Variants in EYA1 observed in about 807,000 individuals in gnomAD.
EYA1 encodes the protein protein phosphatase EYA1.
EYA1 carries 16 observed loss-of-function variants against 82.0 expected under a neutral mutation model. The observed-to-expected ratio is 0.20, with a 90% CI of 0.13 to 0.30. The LOEUF is 0.30. Ranked by LOEUF, EYA1 falls within the 10% of genes least tolerant of loss-of-function variation. The pLI is 1.00. For synonymous variants in EYA1, 261 were observed against 264.4 expected (o/e 0.99, Z 0.12); for missense variants, 633 against 730.7 (o/e 0.87, Z 1.54).
intron 2 of EYA1, among the ~76,000 whole-genome samples, chr8:71,519,630 C>G (rs1351786687): frequency 6.8e-6 from 1 of 146,286 alleles, no homozygotes; most frequent in African/African-American, 2.5e-5. Flanking sequence ...TTAGAGCAAG[C>G]AATTTCTCTT....
chr8:71,547,869 T>C (rs1815792671), exon 1 of EYA1: 1 of 151,302 alleles, frequency 6.6e-6, no homozygotes, highest in African/African-American at 2.4e-5. Context: ...CTTACTTGTG[T>C]CACAACTGCG....
intron 9 of EYA1, among the ~76,000 whole-genome samples, chr8:71,275,758 A>C (rs1247931205): frequency 6.6e-6 from 1 of 152,254 alleles, no homozygotes; most frequent in Non-Finnish European, 1.5e-5. Context: ...TACAGATTCA[A>C]GGAGGCAGAA....
intron 2 of EYA1, among the ~76,000 whole-genome samples, chr8:71,371,890 A>G (rs371561146): frequency 2.2e-4 from 33 of 152,136 alleles, no homozygotes; most frequent in Admixed American, 2.0e-3. Flanking sequence ...TGAAAAATAA[A>G]ACTGTTGAAA....
At chr8:71,393,449 A>C (rs1829396264) in intron 2 of EYA1, among the ~76,000 whole-genome samples, 1 of 151,964 alleles carries the variant, frequency 6.6e-6, no homozygotes, top group Non-Finnish European at 1.5e-5. Context: ...TCCCCCCTCC[A>C]ACCACTCCAC....
At chr8:71,210,090 A>C (rs1338286803) in intron 17 of EYA1, among the ~76,000 whole-genome samples, 2 of 152,210 alleles carry the variant, frequency 1.3e-5, no homozygotes, top group South Asian at 2.1e-4. Flanking sequence ...TTTATAGACA[A>C]GGAAAGGGAA....
chr8:71,432,787 A>G (rs1805719589), intron 2 of EYA1, among the ~76,000 whole-genome samples: 1 of 152,198 alleles, frequency 6.6e-6, no homozygotes, highest in Non-Finnish European at 1.5e-5. Context: ...GCCCTAACAG[A>G]TGCCTTTGAG....
At chr8:71,218,946 G>A (rs1263599666) in intron 12 of EYA1, among the ~76,000 whole-genome samples, 1 of 150,620 alleles carries the variant, frequency 6.6e-6, no homozygotes, top group Non-Finnish European at 1.5e-5. Context: ...ATGTTCAAAA[G>A]AATTTAATTC....
At chr8:71,474,504 A>G (rs1051755173) in intron 2 of EYA1, among the ~76,000 whole-genome samples, 1 of 152,176 alleles carries the variant, frequency 6.6e-6, no homozygotes, top group Non-Finnish European at 1.5e-5. Context: ...AGAGAACTAT[A>G]TTATCAAGAT....
intron 2 of EYA1, among the ~76,000 whole-genome samples, chr8:71,453,278 C>G (rs1041386814): frequency 1.3e-5 from 2 of 152,144 alleles, no homozygotes; most frequent in Non-Finnish European, 2.9e-5. Flanking sequence ...TGTGAAAACA[C>G]CAACTCTACG....
chr8:71,472,969 T>C (rs933259472), intron 2 of EYA1, among the ~76,000 whole-genome samples: 1 of 151,830 alleles, frequency 6.6e-6, no homozygotes, highest in Non-Finnish European at 1.5e-5. Context: ...GGTTTGCAAA[T>C]ATTTTTCCAG....
At chr8:71,491,079 C>T (rs73293125) in intron 2 of EYA1, among the ~76,000 whole-genome samples, 9 of 152,068 alleles carry the variant, frequency 5.9e-5, no homozygotes, top group African/African-American at 2.2e-4. Context: ...GAAACCCAAG[C>T]AGTCTTCTGG....
chr8:71,330,327 C>T (rs538751397), intron 4 of EYA1, among the ~76,000 whole-genome samples: 85 of 152,226 alleles, frequency 5.6e-4, no homozygotes, highest in African/African-American at 1.6e-3. Flanking sequence ...TAGCCTGATC[C>T]GCTTCTGTTT....
At chr8:71,223,791 C>T (rs150833815) in intron 12 of EYA1, among the ~76,000 whole-genome samples, 25 of 152,130 alleles carry the variant, frequency 1.6e-4, no homozygotes, top group Admixed American at 3.9e-4. Flanking sequence ...GACCAATCCC[C>T]GGGAATAACT....
chr8:71,405,896 C>T (rs562948133), intron 2 of EYA1, among the ~76,000 whole-genome samples: 22 of 152,248 alleles, frequency 1.4e-4, no homozygotes, highest in South Asian at 1.2e-3. Context: ...CAATTGCATT[C>T]GCCTCTCAAA....
chr8:71,450,944 A>G (rs1157050080), intron 2 of EYA1, among the ~76,000 whole-genome samples: 1 of 152,234 alleles, frequency 6.6e-6, no homozygotes, highest in Non-Finnish European at 1.5e-5. Flanking sequence ...ACTACTAAAA[A>G]CATGCAAAAG....
chr8:71,256,484 A>G (rs969400347), intron 11 of EYA1, among the ~76,000 whole-genome samples: 1 of 152,194 alleles, frequency 6.6e-6, no homozygotes, highest in Non-Finnish European at 1.5e-5. Context: ...TTCCACTTAT[A>G]TGAGGGTACC....
intron 2 of EYA1, among the ~76,000 whole-genome samples, chr8:71,507,053 A>G (rs1812243813): frequency 6.6e-6 from 1 of 152,334 alleles, no homozygotes; most frequent in East Asian, 1.9e-4. Flanking sequence ...TATAAACTCT[A>G]TATCAACTCC....
upstream of EYA1, among the ~76,000 whole-genome samples, chr8:71,365,553 T>C (rs1827703755): frequency 6.6e-6 from 1 of 152,212 alleles, no homozygotes; most frequent in Admixed American, 6.5e-5. Context: ...CATTTTGTAA[T>C]TTAAACTGTT....
chr8:71,328,943 A>G (rs552881272), intron 4 of EYA1, among the ~76,000 whole-genome samples: 1 of 152,238 alleles, frequency 6.6e-6, no homozygotes, highest in African/African-American at 2.4e-5. Flanking sequence ...CTTAGCAAAC[A>G]TTTACTGAGC....
Sources: gnomAD v4.1 joint callset for allele counts (sites outside exome capture counted in the v4.1 genomes callset) on GRCh38, gnomAD v4.1.1 for gene constraint, MANE v1.5 for transcripts, NCBI Gene and HGNC (gene_info 2026-07-23, HGNC 2026-07-21) for gene names.